TUT4: variants seen among roughly 807,000 people sequenced by gnomAD.
TUT4 encodes the protein terminal uridylyltransferase 4.
In TUT4, 36 loss-of-function variants were observed where a neutral mutation model predicts 192.2. The ratio of observed to expected loss-of-function variants is 0.19; its 90% CI spans 0.14 to 0.25. The LOEUF is 0.25. Ranked by LOEUF, TUT4 falls within the 10% of genes least tolerant of loss-of-function variation. The pLI, the probability that TUT4 is intolerant of heterozygous loss-of-function variation, is 1.00. For missense variants in TUT4, 1,493 were observed against 1,957.2 expected (o/e 0.76, Z 4.47); for synonymous variants, 618 against 666.0 (o/e 0.93, Z 1.11).
chr1:52,440,433 G>GTTTTTT (rs908687717), intron 24 of TUT4, among the ~76,000 whole-genome samples: 2 of 110,182 alleles, frequency 1.8e-5, no homozygotes, highest in Non-Finnish European at 3.9e-5. Context: ...CCCATCCTGT[G>GTTTTTT]TTTTTTTTTT....
At chr1:52,515,166 G>A (rs543664241) in intron 3 of TUT4, 6 of 152,296 alleles carry the variant, frequency 3.9e-5, no homozygotes, top group African/African-American at 1.4e-4. Context: ...TAATACACAG[G>A]AATAAGATAC....
In TUT4 at chr1:52,431,434, C is replaced by G; in HGVS notation, c.4290G>C (p.Gln1430His). The G allele has an allele frequency of 6.2e-7, 1 of 1,611,180 alleles. No homozygotes were observed. The highest frequency in any genetic ancestry group is 8.5e-7 in the Non-Finnish European group (1 of 1,178,076). Residue 1430 changes from glutamine (Q) to histidine (H), a missense_variant, in exon 28 of 30, where the codon CAG becomes CAC. Transcript: ENST00000257177. Reference sequence around the variant, plus strand: ...AAGAGTTCTGTGGAAATGGCTGAGGCTGAGGAGAATAAGATGGTGATTCAG... The same window carrying G: ...AAGAGTTCTGTGGAAATGGCTGAGGGTGAGGAGAATAAGATGGTGATTCAG... ...ECSESPSYSPQPQPFPQNSSQ... is the reference protein window; with the variant it reads ...ECSESPSYSPHPQPFPQNSSQ...
chr1:52,543,462 T>C (rs1457191793), intron 1 of TUT4, among the ~76,000 whole-genome samples: 3 of 150,614 alleles, frequency 2.0e-5, no homozygotes, highest in Non-Finnish European at 4.4e-5. Flanking sequence ...ACATTCTATG[T>C]CCACAGACCA....
chr1:52,472,655 C>T (rs768162249), intron 13 of TUT4, among the ~76,000 whole-genome samples: 11 of 151,640 alleles, frequency 7.3e-5, no homozygotes, highest in Admixed American at 3.9e-4. Context: ...AGACTGAACA[C>T]TAAAAATAAA....
intron 16 of TUT4, chr1:52,463,927 T>C: frequency 2.0e-6 from 1 of 500,366 alleles, no homozygotes; most frequent in Non-Finnish European, 3.2e-6. Flanking sequence ...ATTAGTACTA[T>C]ATTTCAGCTA....
intron 4 of TUT4, among the ~76,000 whole-genome samples, chr1:52,501,914 G>C (rs183256990): frequency 6.6e-6 from 1 of 152,204 alleles, no homozygotes; most frequent in East Asian, 1.9e-4. Flanking sequence ...AATAGAAACA[G>C]AAAATAGAAT....
chr1:52,483,450 A>AT lies in TUT4; in HGVS notation c.1516-1528dup, dbSNP rs1475971914. Among the ~76,000 whole-genome samples, 5 of 152,232 alleles carry AT rather than the reference A, an allele frequency of 3.3e-5. 1 individual carries two copies. The South Asian group carries it at 1.0e-3, about 32-fold the overall frequency. On this transcript the variant is annotated intron_variant, in intron 9 of 29. Coordinates refer to ENST00000257177, the MANE Select transcript of TUT4 (RefSeq NM_001009881.3). ...ACTATGCTTTAGTTTAAATATGCTTATTTCAGACACTCAGCCCTCCATATC... is the reference window on the plus strand; with the variant it reads ...ACTATGCTTTAGTTTAAATATGCTTATTTTCAGACACTCAGCCCTCCATATC...
At chr1:52,443,538 G>A (rs540434598) in intron 24 of TUT4, among the ~76,000 whole-genome samples, 5 of 151,230 alleles carry the variant, frequency 3.3e-5, no homozygotes, top group African/African-American at 2.4e-5. Flanking sequence ...GTGGTGAGCC[G>A]AGATCGCGCC....
At chr1:52,441,970 C>G (rs1302298270) in intron 24 of TUT4, among the ~76,000 whole-genome samples, 3 of 151,872 alleles carry the variant, frequency 2.0e-5, no homozygotes, top group African/African-American at 7.3e-5. Flanking sequence ...GAGTTTGTGA[C>G]CAGCCTGGCC....
intron 2 of TUT4, among the ~76,000 whole-genome samples, chr1:52,518,129 C>A (rs990351893): frequency 6.6e-6 from 1 of 152,182 alleles, no homozygotes; most frequent in Admixed American, 6.5e-5. Context: ...TGTATCCACA[C>A]AAATACTTGT....
intron 20 of TUT4, among the ~76,000 whole-genome samples, chr1:52,447,822 T>A (rs1371409764): frequency 3.9e-5 from 6 of 152,200 alleles, no homozygotes; most frequent in Non-Finnish European, 8.8e-5. Flanking sequence ...AAAGACTATA[T>A]AAATTAGTCA....
At chr1:52,533,736 G>A (rs770709433) in intron 1 of TUT4, among the ~76,000 whole-genome samples, 15 of 152,174 alleles carry the variant, frequency 9.9e-5, no homozygotes, top group Admixed American at 4.6e-4. Context: ...GGGAGGCTAA[G>A]GCAGGTAGAT....
intron 1 of TUT4, among the ~76,000 whole-genome samples, chr1:52,545,560 G>A (rs115610605): frequency 1.2e-3 from 179 of 152,006 alleles, no homozygotes; most frequent in African/African-American, 4.0e-3. Context: ...ATATACAGAC[G>A]GCCACAAGCA....
Position 52,431,270 on chromosome 1 carries a change from T to C in TUT4, c.4454A>G (p.Tyr1485Cys). Residue 1485 changes from tyrosine to cysteine, a missense_variant, in exon 28 of 30, where the codon TAT (tyrosine) becomes TGT (cysteine). Tyr to Cys is a radical substitution (Grantham distance 194, BLOSUM62 -2). Transcript: ENST00000257177. ...YNFPQSPPAQ[Y>C]SPMHNMGLLP... is the part of the protein sequence containing the mutation. ...CAATCCCATATTGTGCATGGGAGAATACTGAGCTGGTGGTGACTGGGGAAA... is the reference window on the plus strand; with the variant it reads ...CAATCCCATATTGTGCATGGGAGAACACTGAGCTGGTGGTGACTGGGGAAA... 3 of 1,614,134 alleles carry C rather than the reference T, an allele frequency of 1.9e-6. No individual in the cohort carries two copies. The highest frequency in any genetic ancestry group is 2.5e-6 in the Non-Finnish European group (3 of 1,180,018).
rs143018211 is a variant in TUT4, at chr1:52,526,242, T to C, written c.39A>G (p.Glu13=). The change falls in exon 2 of 30, where the codon GAA becomes GAG. Residue 13 remains glutamate (E), a synonymous_variant. Transcript: ENST00000257177. ...ESKTLKSENH[E]PKKNVICEES... is the part of the protein sequence containing the mutation. ...CTTCACAAATAACATTCTTCTTTGG[T>C]TCATGATTTTCACTTTTTAAGGTTT... 1,949 of 1,581,844 alleles carry C rather than the reference T, an allele frequency of 1.2e-3. 1 individual carries two copies. The highest frequency in any genetic ancestry group is 1.4e-3 in the Non-Finnish European group (1,681 of 1,171,550).
At chr1:52,481,356 C>T in intron 11 of TUT4, 67 bp downstream of exon 11, 2 of 1,515,714 alleles carry the variant, frequency 1.3e-6, no homozygotes, top group Non-Finnish European at 1.8e-6. Context: ...ATTAAAATAG[C>T]TTCAATCGAA....
chr1:52,480,431 A>C (rs967327647), intron 11 of TUT4, among the ~76,000 whole-genome samples: 3 of 152,248 alleles, frequency 2.0e-5, no homozygotes, highest in African/African-American at 7.2e-5. Context: ...TTGATGATAC[A>C]AGTTTTGGCA....
At chr1:52,433,824 G>A (rs1463524722) in intron 27 of TUT4, 1 of 152,162 alleles carries the variant, frequency 6.6e-6, no homozygotes, top group Admixed American at 6.5e-5. Context: ...AACAATGCAT[G>A]TGGAACATAT....
At position 52,428,263 on chromosome 1, in the gene TUT4, G is replaced by A. The variant is rs146543129; in HGVS notation, c.4711+2750C>T. Among the ~76,000 whole-genome samples, 1,417 of 152,194 alleles carry A rather than the reference G, an allele frequency of 9.3e-3. 9 individuals are homozygous for A. Among genetic ancestry groups the A allele is most frequent in the Non-Finnish European group, 0.014 (975 of 68,014 alleles). ...AGCACTTTGGGAGGCCAAGGCAGGC[G>A]GATCATGAGGTCAAGAGATCGAGAC... On this transcript the variant is annotated intron_variant, in intron 28 of 29. Coordinates refer to ENST00000257177, the MANE Select transcript of TUT4 (RefSeq NM_001009881.3).
Sources: allele counts gnomAD v4.1 joint callset (sites outside exome capture counted in the v4.1 genomes callset), GRCh38; gene constraint gnomAD v4.1.1; transcripts MANE v1.5; gene names NCBI Gene and HGNC (gene_info 2026-07-23, HGNC 2026-07-21).